The following TECR variants were observed in gnomAD, a reference collection of about 807,000 sequenced individuals.
TECR encodes the protein trans-2,3-enoyl-CoA reductase, also known as very-long-chain enoyl-CoA reductase.
Under a neutral mutation model 50.6 loss-of-function variants are expected in TECR, and 19 were observed. The ratio of observed to expected loss-of-function variants is 0.38; its 90% confidence interval spans 0.26 to 0.55. The LOEUF (loss-of-function observed/expected upper bound fraction) is 0.55, where lower values mean the gene tolerates loss of function less well. Among genes scored for constraint, TECR ranks in the 20% least tolerant of loss-of-function variants. The pLI, the probability that TECR is intolerant of heterozygous loss-of-function variation, is 0.79. For missense variants in TECR, 313 were observed against 408.3 expected (o/e 0.77, Z 2.01); for synonymous variants, 168 against 163.5 (o/e 1.03, Z -0.21).
At chr19:14,546,654 T>G (rs934118217) in intron 1 of TECR, among the ~76,000 whole-genome samples, 15 of 152,306 alleles carry the variant, frequency 9.8e-5, no homozygotes, top group Middle Eastern at 3.4e-3. Flanking sequence ...GCTTAGAACC[T>G]TTGGTCACTG....
intron 1 of TECR, among the ~76,000 whole-genome samples, chr19:14,543,109 C>T (rs965064701): frequency 6.6e-6 from 1 of 150,802 alleles, no homozygotes; most frequent in Non-Finnish European, 1.5e-5. Context: ...TAACACAAGC[C>T]CTGGGGCTTC....
rs757780004 is a variant in TECR, at chr19:14,563,235, C to A, written c.96C>A (p.Ile32=). The A allele has an allele frequency of 2.5e-6, 4 of 1,613,656 alleles. No individual in the cohort carries two copies. Among genetic ancestry groups the A allele is most frequent in the Non-Finnish European group, 1.7e-6 (2 of 1,179,838 alleles). The change falls in exon 3 of 13, where the codon ATC becomes ATA. Residue 32 remains isoleucine (I), a synonymous_variant. Coordinates refer to ENST00000215567, the MANE Select transcript of TECR (RefSeq NM_138501.6). The surrounding 1 kb of genome is among the most constrained non-coding windows in gnomAD (Gnocchi z 5.3). ...AGCCCCACGCCACCATTGCGGAGATCAAGAACCTCTTCACTAAGACCCGTG... is the reference window on the plus strand; with the variant it reads ...AGCCCCACGCCACCATTGCGGAGATAAAGAACCTCTTCACTAAGACCCGTG... The part of the protein sequence containing the change: ...KVEPHATIAE[I]KNLFTKTHPQ...
chr19:14,528,250 T>C (rs1200903646), upstream of TECR, among the ~76,000 whole-genome samples: 1 of 145,154 alleles, frequency 6.9e-6, no homozygotes, highest in East Asian at 2.0e-4. Context: ...TTTTTCTTTT[T>C]TCTTTTTTTT....
chr19:14,554,772 G>C (rs940922279), intron 1 of TECR, among the ~76,000 whole-genome samples: 1 of 151,510 alleles, frequency 6.6e-6, no homozygotes, highest in African/African-American at 2.4e-5. Context: ...TTCACTGCTT[G>C]TCTCTGCCTT....
intron 1 of TECR, among the ~76,000 whole-genome samples, chr19:14,548,837 A>G (rs1290778991): frequency 6.6e-6 from 1 of 152,072 alleles, no homozygotes; most frequent in Non-Finnish European, 1.5e-5. Context: ...GGCCTCCCAA[A>G]GTGCTGTGAT....
chr19:14,533,431 A>G (rs970940283), intron 1 of TECR, among the ~76,000 whole-genome samples: 1 of 152,114 alleles, frequency 6.6e-6, no homozygotes, highest in Admixed American at 6.6e-5. Context: ...AAAAAAAAAA[A>G]GAAAAAAATC....
intron 1 of TECR, among the ~76,000 whole-genome samples, chr19:14,550,828 G>A (rs1203489924): frequency 1.3e-5 from 2 of 151,630 alleles, no homozygotes; most frequent in Non-Finnish European, 2.9e-5. Context: ...CTACAGGCCC[G>A]TACCACTATG....
chr19:14,560,006 G>A (rs114494378), intron 1 of TECR, among the ~76,000 whole-genome samples: 3,159 of 152,118 alleles, frequency 0.021, 49 homozygotes, highest in Non-Finnish European at 0.024. Flanking sequence ...GGGCCCCTAG[G>A]TGCTGCCTTG....
At chr19:14,550,948 A>G (rs2073478194) in intron 1 of TECR, among the ~76,000 whole-genome samples, 1 of 152,014 alleles carries the variant, frequency 6.6e-6, no homozygotes, top group Non-Finnish European at 1.5e-5. Flanking sequence ...CTGGGATTAC[A>G]GGCATGAACT....
chr19:14,564,905 G>A (rs2074028769), intron 8 of TECR, 44 bp from the exon 9 acceptor site: 2 of 1,613,924 alleles, frequency 1.2e-6, no homozygotes, highest in African/African-American at 1.3e-5. Context: ...TCCCCACCCA[G>A]CGGGTCCTCC....
At chr19:14,560,330 CT>C (rs376206156) in intron 1 of TECR, among the ~76,000 whole-genome samples, 18 of 152,316 alleles carry the variant, frequency 1.2e-4, no homozygotes, top group Non-Finnish European at 2.4e-4. Flanking sequence ...GAGGCCTTCT[CT>C]CCCTGTGGAC....
At chr19:14,539,895 T>C (rs888835108) in intron 1 of TECR, among the ~76,000 whole-genome samples, 9 of 132,144 alleles carry the variant, frequency 6.8e-5, no homozygotes, top group Non-Finnish European at 9.9e-5. Context: ...TTTTTTTTTT[T>C]CTGAGACGGA....
rs74852236 is a variant in TECR, at chr19:14,545,318, C to T, written c.15+15607C>T. 2,445 of 407,032 alleles carry T rather than the reference C, an allele frequency of 6.0e-3. 33 individuals carry two copies. The highest frequency in any genetic ancestry group is 0.029 in the African/African-American group (1,421 of 48,510). 25.2% of individuals were successfully genotyped at this position (407,032 alleles called of 1,614,324 possible). On this transcript the variant is annotated intron_variant, in intron 1 of 12. Transcript: ENST00000215567. ...GCTACCCCAGGGCCTTTGCATTCCCCGCCAGGGAGCCTCATGCTGGCCCTC... is the reference window on the plus strand; with the variant it reads ...GCTACCCCAGGGCCTTTGCATTCCCTGCCAGGGAGCCTCATGCTGGCCCTC...
At chr19:14,554,014 G>C (rs1253195810) in intron 1 of TECR, among the ~76,000 whole-genome samples, 1 of 152,198 alleles carries the variant, frequency 6.6e-6, no homozygotes, top group Non-Finnish European at 1.5e-5. Context: ...GAGAGAGCCT[G>C]CCGGAGCTTT....
Position 14,535,572 on chromosome 19 carries a change from ATATATATATATATATATG to A in TECR, c.15+5865_15+5882del, listed in dbSNP as rs1176179961. On this transcript the variant is annotated intron_variant, in intron 1 of 12. Coordinates refer to ENST00000215567, the MANE Select transcript of TECR (RefSeq NM_138501.6). The stretch of plus-strand genomic sequence containing the variant: ...TATATATATATATATATATATATAT[ATATATATATATATATATG>A]TATGTATATATAAATTAGCCAGGCA... 3.3e-3 allele frequency among the ~76,000 whole-genome samples: 104 copies of A among 31,764 alleles called. 2 individuals carry two copies. Among genetic ancestry groups the A allele is most frequent in the African/African-American group, 9.0e-3 (91 of 10,080 alleles). The allele number at this position is 31,764 out of a possible 152,430, so 20.8% of individuals were successfully genotyped here.
At chr19:14,558,188 A>G (rs2073796380) in intron 1 of TECR, among the ~76,000 whole-genome samples, 1 of 152,206 alleles carries the variant, frequency 6.6e-6, no homozygotes, top group South Asian at 2.1e-4. Context: ...GCCCAGGGCC[A>G]CACAGCCAGG....
At chr19:14,539,902 C>T (rs571628612) in intron 1 of TECR, among the ~76,000 whole-genome samples, 9 of 149,552 alleles carry the variant, frequency 6.0e-5, no homozygotes, top group Non-Finnish European at 8.9e-5. Flanking sequence ...TTTTCTGAGA[C>T]GGAGTCCTGC....
rs181647368 is a variant in TECR, at chr19:14,540,709, A to G, written c.15+10998A>G. 8.1e-4 allele frequency among the ~76,000 whole-genome samples: 116 copies of G among 143,056 alleles called. 4 individuals carry two copies. In the East Asian group the frequency reaches 0.019, roughly 24 times the overall value. 93.9% of individuals were successfully genotyped at this position (143,056 alleles called of 152,430 possible). ...GCCTGGCCATAATTTTTGTATTTTT[A>G]GTAGAGGCAAGGTTTCACCATGTTG... On this transcript the variant is annotated intron_variant, in intron 1 of 12. Coordinates refer to ENST00000215567, the MANE Select transcript of TECR (RefSeq NM_138501.6).
In TECR at chr19:14,552,511, G is replaced by A. The variant is rs8112730; in HGVS notation, c.16-10014G>A. 9.2e-4 allele frequency among the ~76,000 whole-genome samples: 139 copies of A among 151,230 alleles called. 1 individual carries two copies. Among genetic ancestry groups the A allele is most frequent in the African/African-American group, 3.2e-3 (131 of 41,280 alleles). Reference sequence around the variant, plus strand: ...CCCCAGTTTTCCAAGCCACGTAACAGGCATCACAGTCTTTTTCTTTTCTTT... The same window carrying A: ...CCCCAGTTTTCCAAGCCACGTAACAAGCATCACAGTCTTTTTCTTTTCTTT... On this transcript the variant is annotated intron_variant, in intron 1 of 12. Coordinates refer to ENST00000215567, the MANE Select transcript of TECR (RefSeq NM_138501.6).
Sources: allele counts gnomAD v4.1 joint callset (sites outside exome capture counted in the v4.1 genomes callset), GRCh38; gene constraint gnomAD v4.1.1; non-coding constraint Gnocchi (gnomAD v3.1); transcripts MANE v1.5; gene names NCBI Gene and HGNC (gene_info 2026-07-23, HGNC 2026-07-21).